EFCAB13: variants seen among roughly 807,000 people sequenced by gnomAD.
The protein encoded by EFCAB13 is EF-hand calcium-binding domain-containing protein 13.
In EFCAB13, 91 loss-of-function variants were observed where a neutral mutation model predicts 110.2. The ratio of observed to expected loss-of-function variants is 0.83; its 90% CI spans 0.70 to 0.98. The LOEUF (loss-of-function observed/expected upper bound fraction) is 0.98, where lower values mean the gene tolerates loss of function less well. Ranked by LOEUF, EFCAB13 falls within the 50% of genes least tolerant of loss-of-function variation. The pLI is 0.00. For missense variants in EFCAB13, 968 were observed against 1,119.4 expected (o/e 0.86, Z 1.93); for synonymous variants, 323 against 369.9 (o/e 0.87, Z 1.45).
chr17:47,370,523 G>C lies in EFCAB13; in HGVS notation c.877+15G>C, dbSNP rs150789064. The C allele has an allele frequency of 4.3e-3, 6,695 of 1,559,120 alleles. 21 individuals carry two copies. The highest frequency in any genetic ancestry group is 5.5e-3 in the Non-Finnish European group (6,220 of 1,136,632). On this transcript the variant is annotated intron_variant, in intron 11 of 24. Coordinates refer to ENST00000331493, the MANE Select transcript of EFCAB13 (RefSeq NM_152347.5). Reference sequence around the variant, plus strand: ...TGAGGATGTTTGTAAGTGAGCTCTTGTTGCTATGACAAGTTTTGTTTATAA... The same window carrying C: ...TGAGGATGTTTGTAAGTGAGCTCTTCTTGCTATGACAAGTTTTGTTTATAA...
At chr17:47,376,997 A>G (rs2065619064) in intron 12 of EFCAB13, among the ~76,000 whole-genome samples, 2 of 152,332 alleles carry the variant, frequency 1.3e-5, no homozygotes, top group South Asian at 2.1e-4. Context: ...TAAGAAGCAC[A>G]TGACGTCTAT....
At chr17:47,421,828 A>G (rs1904730716) in intron 23 of EFCAB13, among the ~76,000 whole-genome samples, 1 of 152,188 alleles carries the variant, frequency 6.6e-6, no homozygotes, top group Non-Finnish European at 1.5e-5. Context: ...ATAATTAGAA[A>G]ATCTGAAGAG....
At chr17:47,429,997 A>G in intron 24 of EFCAB13, 36 bp downstream of exon 24, 2 of 1,540,276 alleles carry the variant, frequency 1.3e-6, no homozygotes, top group Non-Finnish European at 1.8e-6. Flanking sequence ...TATAAGGACC[A>G]TCCTCTACCA....
At chr17:47,438,627 C>T (rs980158692) in intron 24 of EFCAB13, among the ~76,000 whole-genome samples, 16 of 151,742 alleles carry the variant, frequency 1.1e-4, no homozygotes, top group Admixed American at 9.2e-4. Flanking sequence ...TTTCTAAAAG[C>T]GTGTCCAAAA....
intron 9 of EFCAB13, among the ~76,000 whole-genome samples, chr17:47,349,506 T>C (rs2065436227): frequency 6.6e-6 from 1 of 152,178 alleles, no homozygotes; most frequent in South Asian, 2.1e-4. Flanking sequence ...TTACAATATG[T>C]AAATTTTTTT....
At chr17:47,371,419 G>A (rs1351682392) in intron 11 of EFCAB13, among the ~76,000 whole-genome samples, 1 of 151,998 alleles carries the variant, frequency 6.6e-6, no homozygotes, top group Non-Finnish European at 1.5e-5. Flanking sequence ...GAGAGATAGG[G>A]GTTTAGTTTC....
At chr17:47,384,618 A>G (rs1307269384) in intron 14 of EFCAB13, among the ~76,000 whole-genome samples, 2 of 152,156 alleles carry the variant, frequency 1.3e-5, no homozygotes. Flanking sequence ...TTGGCTGGAT[A>G]TGAAATTCCA....
intron 24 of EFCAB13, among the ~76,000 whole-genome samples, chr17:47,438,512 T>G (rs941182381): frequency 2.7e-5 from 4 of 149,932 alleles, no homozygotes; most frequent in Middle Eastern, 3.5e-3. Context: ...TTTTTTTTTT[T>G]GTCTTTGTTG....
At chr17:47,407,164 G>A (rs2065809263) in intron 20 of EFCAB13, among the ~76,000 whole-genome samples, 1 of 152,172 alleles carries the variant, frequency 6.6e-6, no homozygotes, top group Admixed American at 6.5e-5. Flanking sequence ...GGACTTTACT[G>A]AAATGGTGCG....
At chr17:47,347,531 G>A (rs116474460) in intron 8 of EFCAB13, among the ~76,000 whole-genome samples, 1,802 of 152,262 alleles carry the variant, frequency 0.012, 41 homozygotes, top group African/African-American at 0.042. Context: ...GGAACACAGA[G>A]GAAAAATTTA....
At chr17:47,434,022 C>T (rs3871595) in intron 24 of EFCAB13, among the ~76,000 whole-genome samples, 96,035 of 151,844 alleles carry the variant, frequency 0.63, 30,785 homozygotes, top group African/African-American at 0.71. Context: ...TTGTCAAATA[C>T]CACAGTTTAA....
intron 4 of EFCAB13, among the ~76,000 whole-genome samples, chr17:47,331,726 T>C (rs979682203): frequency 2.0e-5 from 3 of 152,178 alleles, no homozygotes; most frequent in African/African-American, 7.2e-5. Context: ...GTGCTCTAGC[T>C]ATTTACTTCT....
At chr17:47,363,592 A>G (rs1777713355) in intron 10 of EFCAB13, among the ~76,000 whole-genome samples, 1 of 152,080 alleles carries the variant, frequency 6.6e-6, no homozygotes, top group South Asian at 2.1e-4. Flanking sequence ...TGGAAGCCTT[A>G]GGGAAAGATT....
chr17:47,338,050 TTTTC>T (rs1157607722), intron 5 of EFCAB13, among the ~76,000 whole-genome samples: 1 of 152,190 alleles, frequency 6.6e-6, no homozygotes, highest in Admixed American at 6.5e-5. Context: ...TAAAAATTTA[TTTTC>T]TTTATCATTT....
At chr17:47,359,981 T>C (rs1238912680) in intron 9 of EFCAB13, among the ~76,000 whole-genome samples, 1 of 151,920 alleles carries the variant, frequency 6.6e-6, no homozygotes, top group Admixed American at 6.6e-5. Context: ...CTGCATAGTA[T>C]TCCAGGGTGT....
intron 9 of EFCAB13, among the ~76,000 whole-genome samples, chr17:47,352,615 G>T (rs1033492194): frequency 2.0e-5 from 3 of 152,066 alleles, no homozygotes; most frequent in African/African-American, 7.2e-5. Context: ...TTCTATTTCT[G>T]TGAAAAATGA....
At chr17:47,397,843 C>T (rs1387837290) in intron 17 of EFCAB13, among the ~76,000 whole-genome samples, 1 of 150,850 alleles carries the variant, frequency 6.6e-6, no homozygotes, top group East Asian at 2.0e-4. Context: ...AGTGAAGAGC[C>T]CCTCCACCCG....
chr17:47,378,014 G>A lies in EFCAB13; in HGVS notation c.1510+111G>A. Reference sequence around the variant, plus strand: ...TAGAAATTAGGAATGGGACAGAATGGGTCATTCTAAAGAAAATTCAGATAT... The same window carrying A: ...TAGAAATTAGGAATGGGACAGAATGAGTCATTCTAAAGAAAATTCAGATAT... On this transcript the variant is annotated intron_variant, in intron 13 of 24. Transcript: ENST00000331493. 6 of 995,124 alleles carry A rather than the reference G, an allele frequency of 6.0e-6. No individual in the cohort carries two copies. In the South Asian group the frequency reaches 6.6e-5, roughly 11 times the overall value. 61.6% of individuals were successfully genotyped at this position (995,124 alleles called of 1,614,324 possible). A position where few individuals can be genotyped will look rare whatever the true frequency, so the allele number is the denominator to read the frequency against.
chr17:47,396,455 AGTATT>A (rs2065738637), intron 17 of EFCAB13, among the ~76,000 whole-genome samples: 1 of 152,182 alleles, frequency 6.6e-6, no homozygotes, highest in African/African-American at 2.4e-5. Flanking sequence ...AGTTCAAAAA[AGTATT>A]GTATAACAAA....
Sources: allele counts gnomAD v4.1 joint callset (sites outside exome capture counted in the v4.1 genomes callset), GRCh38; gene constraint gnomAD v4.1.1; transcripts MANE v1.5; gene names NCBI Gene and HGNC (gene_info 2026-07-23, HGNC 2026-07-21).